The following HP1BP3 variants were observed in gnomAD, a reference collection of about 807,000 sequenced individuals.
The protein encoded by HP1BP3 is heterochromatin protein 1 binding protein 3.
Under a neutral mutation model 62.5 loss-of-function variants are expected in HP1BP3, and 12 were observed. That is an observed-to-expected ratio of 0.19 (90% confidence interval 0.12 to 0.31). The LOEUF is 0.31. Among genes scored for constraint, HP1BP3 ranks in the 10% least tolerant of loss-of-function variants. The pLI, the probability that HP1BP3 is intolerant of heterozygous loss-of-function variation, is 1.00. For synonymous variants in HP1BP3, 260 were observed against 237.8 expected (o/e 1.09, Z -0.86); for missense variants, 502 against 651.8 (o/e 0.77, Z 2.50).
intron 9 of HP1BP3, among the ~76,000 whole-genome samples, chr1:20,751,068 C>T (rs2055715817): frequency 1.3e-5 from 2 of 152,038 alleles, no homozygotes; most frequent in African/African-American, 2.4e-5. Context: ...CTGCCTGCCT[C>T]GGCCTCCTGA....
chr1:20,750,816 CTTTTTTTTT>C lies in HP1BP3; in HGVS notation c.982-943_982-935del, dbSNP rs767621434. Among the ~76,000 whole-genome samples the C allele has an allele frequency of 1.0e-4, 12 of 116,534 alleles. No homozygotes were observed. In the South Asian group the frequency reaches 2.8e-3, roughly 27 times the overall value. The allele number at this position is 116,534 out of a possible 152,430, so 76.5% of individuals were successfully genotyped here. A position where few individuals can be genotyped will look rare whatever the true frequency, so the allele number is the denominator to read the frequency against. On this transcript the variant is annotated intron_variant, in intron 9 of 12. Transcript: ENST00000438032. ...AATGAACAATAAATATATTTTCTCTCTTTTTTTTTTTTTTTTTTTGAGACAGAGTCTCGC... is the reference window on the plus strand; with the variant it reads ...AATGAACAATAAATATATTTTCTCTCTTTTTTTTTTGAGACAGAGTCTCGC...
rs760418429 is a variant in HP1BP3, at chr1:20,779,864, G to A, written c.144C>T (p.Thr48=). ...GCTTGCTTTTGGGAGGAGTTTCCCG[G>A]GTAGAATTCACAGTTCGACGAATCG... ...TMPIRRTVNS[T]RETPPKSKLA... Residue 48 remains threonine, a synonymous_variant, in exon 3 of 13, where the codon ACC becomes ACT. Coordinates refer to ENST00000438032, the MANE Select transcript of HP1BP3 (RefSeq NM_001372052.1). 3 of 1,613,424 alleles carry A rather than the reference G, an allele frequency of 1.9e-6. No individual in the cohort carries two copies. The highest frequency in any genetic ancestry group is 2.2e-5 in the South Asian group (2 of 90,920).
chr1:20,757,822 T>C (rs1429330605), intron 8 of HP1BP3, among the ~76,000 whole-genome samples: 1 of 152,084 alleles, frequency 6.6e-6, no homozygotes, highest in African/African-American at 2.4e-5. Context: ...TGTTATCAAA[T>C]TAAGAAGGTG....
intron 7 of HP1BP3, 113 bp from the exon 8 acceptor site, chr1:20,765,644 T>G (rs116463530): frequency 0.018 from 14,946 of 813,004 alleles, 189 homozygotes; most frequent in Non-Finnish European, 0.023. Context: ...TGGCAATTTC[T>G]TTGATATAAA....
chr1:20,751,551 T>A (rs955282656), intron 9 of HP1BP3, among the ~76,000 whole-genome samples: 5 of 151,330 alleles, frequency 3.3e-5, no homozygotes, highest in African/African-American at 1.2e-4. Flanking sequence ...ATAGTGAGAC[T>A]CTCTCTCTAC....
chr1:20,777,652 G>A (rs948714961), intron 3 of HP1BP3, among the ~76,000 whole-genome samples: 14 of 152,168 alleles, frequency 9.2e-5, no homozygotes, highest in Admixed American at 3.9e-4. Flanking sequence ...TAGTGACAGG[G>A]TTTCATTGTG....
chr1:20,755,836 G>A (rs1557645488), intron 9 of HP1BP3, among the ~76,000 whole-genome samples: 1 of 152,170 alleles, frequency 6.6e-6, no homozygotes, highest in Admixed American at 6.6e-5. Context: ...ACTGGTACAT[G>A]CTGCAACGTG....
intron 7 of HP1BP3, among the ~76,000 whole-genome samples, chr1:20,766,591 A>G (rs755858142): frequency 6.6e-6 from 1 of 152,250 alleles, no homozygotes; most frequent in Admixed American, 6.5e-5. Context: ...ATTTACAAAA[A>G]CAGGAAGAAA....
At chr1:20,758,820 G>A (rs937629574) in intron 8 of HP1BP3, among the ~76,000 whole-genome samples, 6 of 150,380 alleles carry the variant, frequency 4.0e-5, no homozygotes, top group African/African-American at 1.2e-4. Context: ...GCTAATTTTT[G>A]TTATTTTTTT....
At chr1:20,755,231 C>T (rs191592102) in intron 9 of HP1BP3, 7 of 305,482 alleles carry the variant, frequency 2.3e-5, no homozygotes, top group African/African-American at 1.5e-4. Flanking sequence ...ACTAGTATGG[C>T]TATAATAAAA....
At chr1:20,785,811 T>G (rs1350287111) in intron 1 of HP1BP3, among the ~76,000 whole-genome samples, 1 of 152,192 alleles carries the variant, frequency 6.6e-6, no homozygotes, top group Non-Finnish European at 1.5e-5. Context: ...TGAAACAAAT[T>G]ACACTAAACT....
intron 10 of HP1BP3, among the ~76,000 whole-genome samples, chr1:20,748,198 C>T (rs1206442605): frequency 1.3e-5 from 2 of 152,144 alleles, no homozygotes; most frequent in African/African-American, 4.8e-5. Flanking sequence ...TTCACTTAAA[C>T]ATCTATTGTG....
Position 20,773,492 on chromosome 1 carries a change from G to T in HP1BP3, c.469C>A (p.Pro157Thr), listed in dbSNP as rs768908253. The T allele has an allele frequency of 6.2e-7, 1 of 1,613,266 alleles. No homozygotes were observed. The highest frequency in any genetic ancestry group is 1.7e-5 in the Admixed American group (1 of 59,940). The change falls in exon 5 of 13, where the codon CCA becomes ACA. Residue 157 changes from proline to threonine, a missense_variant. Physicochemically the swap from Pro to Thr is conservative, Grantham distance 38. This residue lies in a region of HP1BP3 where 25 missense variants were observed against 22.5 expected (regional missense o/e 1.11). Coordinates refer to ENST00000438032, the MANE Select transcript of HP1BP3 (RefSeq NM_001372052.1). ...AAGATTGCATCCATCTTGGGACGTG[G>T]GGAAGAAGCCATCGGTGTTTGTTTC... ...AQKQTPMASS[P>T]RPKMDAILTE...
intron 1 of HP1BP3, among the ~76,000 whole-genome samples, chr1:20,781,992 G>A (rs2057574461): frequency 6.6e-6 from 1 of 152,202 alleles, no homozygotes; most frequent in Non-Finnish European, 1.5e-5. Flanking sequence ...ATATGATATG[G>A]AAATAAAACA....
intron 8 of HP1BP3, among the ~76,000 whole-genome samples, chr1:20,763,730 G>A (rs571950047): frequency 1.3e-5 from 2 of 152,230 alleles, no homozygotes; most frequent in East Asian, 1.9e-4. Context: ...CTGTCAAGAC[G>A]TTAAATGGCA....
chr1:20,766,421 A>G (rs1374832805), intron 7 of HP1BP3, among the ~76,000 whole-genome samples: 1 of 152,258 alleles, frequency 6.6e-6, no homozygotes, highest in African/African-American at 2.4e-5. Context: ...AAGTCTATGA[A>G]AAAAGGATAA....
chr1:20,762,899 T>C (rs2056566267), intron 8 of HP1BP3, among the ~76,000 whole-genome samples: 3 of 152,124 alleles, frequency 2.0e-5, no homozygotes, highest in Admixed American at 6.6e-5. Flanking sequence ...CTCAGATATT[T>C]TGGGGTCACA....
In HP1BP3 at chr1:20,767,668, A is replaced by G; in HGVS notation, c.655-4T>C. ...CAGAAGCACCTTTTCCTTTAACCTA[A>G]AGTAAATTAATTTTTGTTATTCTAG... On this transcript the variant is annotated splice_region_variant and splice_polypyrimidine_tract_variant and intron_variant, in intron 6 of 12. Coordinates refer to ENST00000438032, the MANE Select transcript of HP1BP3 (RefSeq NM_001372052.1). The G allele has an allele frequency of 6.3e-7, 1 of 1,582,668 alleles. No individual in the cohort carries two copies. Among genetic ancestry groups the G allele is most frequent in the Non-Finnish European group, 8.6e-7 (1 of 1,159,814 alleles).
At chr1:20,777,284 A>C (rs1161388802) in intron 3 of HP1BP3, among the ~76,000 whole-genome samples, 2 of 151,908 alleles carry the variant, frequency 1.3e-5, no homozygotes, top group Admixed American at 6.6e-5. Flanking sequence ...TCCAAAAAAA[A>C]ATAAAAATAA....
Sources: allele counts gnomAD v4.1 joint callset (sites outside exome capture counted in the v4.1 genomes callset), GRCh38; gene constraint gnomAD v4.1.1; regional missense constraint gnomAD v4.1.1; transcripts MANE v1.5; gene names NCBI Gene and HGNC (gene_info 2026-07-23, HGNC 2026-07-21).